TG: variants seen among roughly 807,000 people sequenced by gnomAD.
TG encodes thyroglobulin, also known as thyroid hormones.
Under a neutral mutation model 324.7 loss-of-function variants are expected in TG, and 270 were observed. The observed-to-expected ratio is 0.83, with a 90% CI of 0.75 to 0.92. The LOEUF is 0.92. Among genes scored for constraint, TG ranks in the 40% least tolerant of loss-of-function variants. TG has a pLI of 0.00. For missense variants in TG, 3,591 were observed against 3,456.4 expected (o/e 1.04, Z -0.98); for synonymous variants, 1,401 against 1,327.0 (o/e 1.06, Z -1.21).
Position 133,133,686 on chromosome 8 carries a change from G to A in TG, c.8188+26G>A, listed in dbSNP as rs369092231. ...GTAGCAAAGCCCTGGGACAAGTGGA[G>A]GGAGCTGGGTGTTGATCTCAGCATC... On this transcript the variant is annotated intron_variant, in intron 47 of 47. Coordinates refer to ENST00000220616, the MANE Select transcript of TG (RefSeq NM_003235.5). The A allele has an allele frequency of 3.5e-5, 56 of 1,607,380 alleles. No individual in the cohort carries two copies. The African/African-American group carries it at 6.9e-4, about 20-fold the overall frequency.
chr8:133,025,084 G>A (rs985960140), intron 40 of TG, among the ~76,000 whole-genome samples: 16 of 152,068 alleles, frequency 1.1e-4, no homozygotes, highest in African/African-American at 2.4e-4. Flanking sequence ...CTCACATTGC[G>A]CCTCCGTGCT....
At chr8:132,894,942 T>C (rs2132237878) in intron 11 of TG, among the ~76,000 whole-genome samples, 1 of 152,328 alleles carries the variant, frequency 6.6e-6, no homozygotes, top group Middle Eastern at 3.4e-3. Context: ...TTCACACAAG[T>C]GATAACCAGT....
At chr8:133,117,496 C>G (rs993091595) in intron 45 of TG, among the ~76,000 whole-genome samples, 1 of 152,212 alleles carries the variant, frequency 6.6e-6, no homozygotes, top group Admixed American at 6.5e-5. Flanking sequence ...CATGAGCTTA[C>G]AGTTCTGAGC....
At chr8:132,933,310 G>GTGTGTTTGGAGC in intron 23 of TG, among the ~76,000 whole-genome samples, 1 of 151,336 alleles carries the variant, frequency 6.6e-6, no homozygotes, top group Non-Finnish European at 1.5e-5. Context: ...GTGTATATTT[G>GTGTGTTTGGAGC]TGTGTGTCTG....
At position 132,971,797 on chromosome 8, in the gene TG, C is replaced by G. The variant is rs371667757; in HGVS notation, c.5979C>G (p.Phe1993Leu). The G allele has an allele frequency of 1.9e-6, 3 of 1,612,144 alleles. No individual in the cohort carries two copies. The highest frequency in any genetic ancestry group is 2.5e-6 in the Non-Finnish European group (3 of 1,178,338). Residue 1993 changes from phenylalanine (F) to leucine (L), a missense_variant, in exon 33 of 48, where the codon TTC (phenylalanine) becomes TTG (leucine). Transcript: ENST00000220616. ...PMSEKSISNG[F>L]FECERRCDAD... is the part of the protein sequence containing the mutation. ...GCTCTTTCTCTTCCTATGCCAGGTT[C>G]TTTGAATGTGAACGACGGTGCGATG...
chr8:133,021,834 T>C lies in TG; in HGVS notation c.6877-157T>C, dbSNP rs143463476. ...GAGGTCTTGGGGGCTAGGACTTCAA[T>C]GTATAAATTTAGAGGGACACAGCTC... is the stretch of plus-strand genomic sequence containing the variant. On this transcript the variant is annotated intron_variant, in intron 39 of 47. Transcript: ENST00000220616. 7.8e-3 allele frequency among the ~76,000 whole-genome samples: 1,191 copies of C among 152,246 alleles called. 16 individuals carry two copies. Among genetic ancestry groups the C allele is most frequent in the African/African-American group, 0.025 (1,056 of 41,522 alleles).
intron 30 of TG, among the ~76,000 whole-genome samples, chr8:132,967,323 A>C (rs1175031683): frequency 1.3e-5 from 2 of 152,210 alleles, no homozygotes; most frequent in Non-Finnish European, 2.9e-5. Context: ...TTGGAGAAGA[A>C]AGAGAACACC....
intron 41 of TG, among the ~76,000 whole-genome samples, chr8:133,068,701 G>A (rs973618616): frequency 9.2e-5 from 14 of 152,212 alleles, no homozygotes; most frequent in South Asian, 2.1e-4. Context: ...GTGAGTGGGC[G>A]TCTTATGAAG....
At chr8:133,038,886 T>C (rs1837597587) in intron 41 of TG, 2 of 600,114 alleles carry the variant, frequency 3.3e-6, no homozygotes, top group South Asian at 4.3e-5. Flanking sequence ...TATTTTTCTT[T>C]ATTTATTTTA....
At chr8:133,066,973 C>G (rs28579253) in intron 41 of TG, among the ~76,000 whole-genome samples, 37,536 of 152,104 alleles carry the variant, frequency 0.25, 4,857 homozygotes, top group South Asian at 0.31. Flanking sequence ...TTGGGCTGAA[C>G]AGTTGGTCAT....
At chr8:133,115,472 A>C (rs1335475452) in intron 44 of TG, among the ~76,000 whole-genome samples, 2 of 152,176 alleles carry the variant, frequency 1.3e-5, no homozygotes, top group Non-Finnish European at 2.9e-5. Context: ...TGCCCCACCC[A>C]ACTTCAGAGC....
At chr8:133,064,994 T>C (rs1205788545) in intron 41 of TG, among the ~76,000 whole-genome samples, 2 of 152,188 alleles carry the variant, frequency 1.3e-5, no homozygotes, top group African/African-American at 4.8e-5. Context: ...TTAGAATTAA[T>C]TTGAAAACAT....
At chr8:133,039,978 C>CAT in intron 41 of TG, 1 of 847,502 alleles carries the variant, frequency 1.2e-6, no homozygotes, top group Non-Finnish European at 1.5e-6. Context: ...CACACACACA[C>CAT]ATACACACAC....
chr8:132,900,119 G>A (rs577359609), intron 14 of TG, 118 bp from the exon 15 acceptor site: 28 of 809,298 alleles, frequency 3.5e-5, no homozygotes, highest in South Asian at 2.2e-4. Flanking sequence ...ACATCTCTCC[G>A]TCTGGAGAAG....
intron 19 of TG, 138 bp from the exon 20 acceptor site, chr8:132,912,909 C>T: frequency 4.7e-6 from 4 of 850,694 alleles, no homozygotes; most frequent in Non-Finnish European, 7.6e-6. Flanking sequence ...CAGTTCCTCC[C>T]TCTGTAAAAT....
Position 132,883,115 on chromosome 8 carries a change from G to C in TG, c.1075+116G>C, listed in dbSNP as rs1331169941. Reference sequence around the variant, plus strand: ...AACTGCCTTCTAGTGTGCCCCTCTGGCCCTTCAAGCTCAACCTGTCTGAGA... The same window carrying C: ...AACTGCCTTCTAGTGTGCCCCTCTGCCCCTTCAAGCTCAACCTGTCTGAGA... On this transcript the variant is annotated intron_variant, in intron 8 of 47. Transcript: ENST00000220616. 3 of 1,111,742 alleles carry C rather than the reference G, an allele frequency of 2.7e-6. No homozygotes were observed. The East Asian group carries it at 7.8e-5, about 29-fold the overall frequency. 68.9% of individuals were successfully genotyped at this position (1,111,742 alleles called of 1,614,324 possible).
chr8:132,954,625 T>A (rs1587554288), intron 27 of TG, among the ~76,000 whole-genome samples: 1 of 152,152 alleles, frequency 6.6e-6, no homozygotes, highest in Non-Finnish European at 1.5e-5. Flanking sequence ...AACCCTTCCA[T>A]CCTGCCACTG....
At position 133,017,789 on chromosome 8, in the gene TG, C is replaced by T; in HGVS notation, c.6574C>T (p.Leu2192Phe). 6.2e-7 allele frequency: 1 copy of T among 1,614,228 alleles called. No homozygotes were observed. The highest frequency in any genetic ancestry group is 8.5e-7 in the Non-Finnish European group (1 of 1,180,038). The part of the protein sequence containing the change: ...HIYRKPGISL[L>F]SYEASVPSVP... Reference sequence around the variant, plus strand: ...CCCTTTCCCAACAGGAATCTCTCTGCTCAGCTATGAGGCATCTGTACCTTC... The same window carrying T: ...CCCTTTCCCAACAGGAATCTCTCTGTTCAGCTATGAGGCATCTGTACCTTC... The change falls in exon 38 of 48, where the codon CTC becomes TTC. Residue 2192 changes from leucine to phenylalanine, a missense_variant. Leu to Phe is a conservative substitution (Grantham distance 22). Transcript: ENST00000220616.
intron 41 of TG, among the ~76,000 whole-genome samples, chr8:133,064,948 A>G (rs916678942): frequency 6.6e-6 from 1 of 152,204 alleles, no homozygotes; most frequent in Non-Finnish European, 1.5e-5. Context: ...AAGGGAAGGC[A>G]GGTCATAAAG....
Sources: gnomAD v4.1 joint callset for allele counts (sites outside exome capture counted in the v4.1 genomes callset) on GRCh38, gnomAD v4.1.1 for gene constraint, MANE v1.5 for transcripts, NCBI Gene and HGNC (gene_info 2026-07-23, HGNC 2026-07-21) for gene names.